LRRC28: variants seen among roughly 807,000 people sequenced by gnomAD.
LRRC28 encodes leucine-rich repeat-containing protein 28.
A neutral mutation model predicts 45.7 loss-of-function variants in LRRC28; 39 were observed. The observed-to-expected ratio is 0.85, with a 90% confidence interval of 0.66 to 1.12. The LOEUF (loss-of-function observed/expected upper bound fraction) is 1.12, where lower values mean the gene tolerates loss of function less well. Ranked by LOEUF, LRRC28 falls within the 50% of genes most tolerant of loss-of-function variation. LRRC28 has a pLI of 0.00. For missense variants in LRRC28, 435 were observed against 438.5 expected (o/e 0.99, Z 0.07); for synonymous variants, 206 against 178.8 (o/e 1.15, Z -1.22).
chr15:99,259,021 G>A, intron 2 of LRRC28: 1 of 803,282 alleles, frequency 1.2e-6, no homozygotes, highest in Admixed American at 1.7e-5. Context: ...ATAAAACTCT[G>A]GACATGATCA....
intron 3 of LRRC28, among the ~76,000 whole-genome samples, chr15:99,279,928 CT>C (rs2081735106): frequency 6.6e-6 from 1 of 152,170 alleles, no homozygotes; most frequent in Non-Finnish European, 1.5e-5. Context: ...TACATTTCCC[CT>C]GGCAATGTAT....
chr15:99,304,385 A>AT (rs1289113228), intron 5 of LRRC28, among the ~76,000 whole-genome samples: 1 of 145,942 alleles, frequency 6.9e-6, no homozygotes, highest in Non-Finnish European at 1.5e-5. Context: ...AGCAAAACTT[A>AT]TTTTTCCTTT....
intron 5 of LRRC28, among the ~76,000 whole-genome samples, chr15:99,305,390 T>A (rs1339398523): frequency 4.6e-5 from 7 of 152,242 alleles, no homozygotes; most frequent in Middle Eastern, 3.2e-3. Flanking sequence ...ATACATAAAT[T>A]ATCTGTGTAA....
intron 2 of LRRC28, among the ~76,000 whole-genome samples, chr15:99,261,371 A>T (rs1480171273): frequency 6.6e-6 from 1 of 152,214 alleles, no homozygotes; most frequent in Non-Finnish European, 1.5e-5. Flanking sequence ...ATAACAAAAC[A>T]CCATAAAATC....
intron 9 of LRRC28, among the ~76,000 whole-genome samples, chr15:99,376,696 C>T (rs999323842): frequency 6.6e-6 from 1 of 152,006 alleles, no homozygotes; most frequent in African/African-American, 2.4e-5. Context: ...CCTCCCACTT[C>T]CCCCCACCCC....
intron 6 of LRRC28, among the ~76,000 whole-genome samples, chr15:99,346,821 C>T (rs1956698186): frequency 6.6e-6 from 1 of 152,088 alleles, no homozygotes; most frequent in Non-Finnish European, 1.5e-5. Context: ...ATGCGGGGTA[C>T]ACATTTTTCC....
intron 7 of LRRC28, 46 bp from the exon 8 acceptor site, chr15:99,361,290 C>G (rs2152325913): frequency 6.4e-7 from 1 of 1,557,666 alleles, no homozygotes; most frequent in Admixed American, 2.0e-5. Context: ...CACCCATATT[C>G]TTTTCCTTAT....
chr15:99,333,887 G>A (rs1270928653), intron 5 of LRRC28, 36 bp from the exon 6 acceptor site: 1 of 1,599,754 alleles, frequency 6.3e-7, no homozygotes, highest in East Asian at 2.2e-5. Context: ...CAGTTCATAA[G>A]GATGCAATTT....
At chr15:99,299,661 G>A (rs1476358692) in intron 5 of LRRC28, among the ~76,000 whole-genome samples, 1 of 152,146 alleles carries the variant, frequency 6.6e-6, no homozygotes. Context: ...TTTATGATTT[G>A]CCAAGGGTCA....
At chr15:99,353,005 C>T (rs1597409413) in intron 7 of LRRC28, among the ~76,000 whole-genome samples, 1 of 152,320 alleles carries the variant, frequency 6.6e-6, no homozygotes, top group East Asian at 1.9e-4. Context: ...ATTCTAGCAA[C>T]CAAAACAGAT....
chr15:99,352,005 A>G (rs978297285), intron 6 of LRRC28, among the ~76,000 whole-genome samples: 3 of 152,240 alleles, frequency 2.0e-5, no homozygotes, highest in African/African-American at 7.2e-5. Context: ...AAGACAGGCC[A>G]GGGTGATTAG....
At chr15:99,379,462 T>A (rs1317317257) in intron 9 of LRRC28, among the ~76,000 whole-genome samples, 1 of 151,392 alleles carries the variant, frequency 6.6e-6, no homozygotes, top group Non-Finnish European at 1.5e-5. Flanking sequence ...TAGCAGTCTA[T>A]CAATTTTGTT....
chr15:99,259,090 T>A, intron 2 of LRRC28: 1 of 1,186,032 alleles, frequency 8.4e-7, no homozygotes, highest in Non-Finnish European at 1.3e-6. Context: ...GTACCAACAT[T>A]AAGCTTGGTG....
rs922135528 is a variant in LRRC28 at position 99,294,303 on chromosome 15, G to A, written c.385+6352G>A. On this transcript the variant is annotated intron_variant, in intron 5 of 9. Coordinates refer to ENST00000301981, the MANE Select transcript of LRRC28 (RefSeq NM_144598.5). The stretch of plus-strand genomic sequence containing the variant: ...CTGGTTACGCACATTAGATAATTTG[G>A]TATTCTTCTACAGGTCAGTGAACTT... Among the ~76,000 whole-genome samples the A allele has an allele frequency of 6.0e-5, 9 of 150,878 alleles. No homozygotes were observed. The East Asian group carries it at 1.2e-3, about 20-fold the overall frequency.
At chr15:99,271,522 T>G (rs2081478832) in intron 2 of LRRC28, among the ~76,000 whole-genome samples, 1 of 152,086 alleles carries the variant, frequency 6.6e-6, no homozygotes, top group African/African-American at 2.4e-5. Flanking sequence ...CATGATCCAC[T>G]TGCCTCAGCC....
chr15:99,290,377 A>C (rs1420559361), intron 5 of LRRC28, among the ~76,000 whole-genome samples: 1 of 152,114 alleles, frequency 6.6e-6, no homozygotes, highest in African/African-American at 2.4e-5. Flanking sequence ...TTAATATAAA[A>C]ATTTTTGACA....
At chr15:99,375,966 AT>A (rs1957618229) in intron 9 of LRRC28, among the ~76,000 whole-genome samples, 1 of 151,564 alleles carries the variant, frequency 6.6e-6, no homozygotes, top group African/African-American at 2.4e-5. Flanking sequence ...CTTTGGGCTT[AT>A]TTTGTCCTTT....
intron 5 of LRRC28, among the ~76,000 whole-genome samples, chr15:99,317,815 C>T (rs1035157732): frequency 3.3e-5 from 5 of 152,140 alleles, no homozygotes; most frequent in Non-Finnish European, 5.9e-5. Flanking sequence ...ATCTCTGCAG[C>T]GTTGAACTGT....
At chr15:99,349,496 G>C (rs541684118) in intron 6 of LRRC28, among the ~76,000 whole-genome samples, 1 of 152,212 alleles carries the variant, frequency 6.6e-6, no homozygotes, top group South Asian at 2.1e-4. Flanking sequence ...AGAAAACATC[G>C]GTGAATTCTG....
Sources: allele counts gnomAD v4.1 joint callset (sites outside exome capture counted in the v4.1 genomes callset), GRCh38; gene constraint gnomAD v4.1.1; transcripts MANE v1.5; gene names NCBI Gene and HGNC (gene_info 2026-07-23, HGNC 2026-07-21).